Variants in CYP2C8 observed in about 807,000 individuals in gnomAD.
CYP2C8 encodes the protein cytochrome P450 family 2 subfamily C member 8.
CYP2C8 carries 51 observed loss-of-function variants against 41.3 expected under a neutral mutation model. The ratio of observed to expected loss-of-function variants is 1.24; its 90% CI spans 0.99 to 1.56. The LOEUF (loss-of-function observed/expected upper bound fraction) is 1.56, where lower values mean the gene tolerates loss of function less well. Among genes scored for constraint, CYP2C8 ranks in the 40% most tolerant of loss-of-function variants. The probability of loss-of-function intolerance (pLI) is 0.00; values close to 1 mark genes in which losing one functional copy is unlikely to be tolerated. For missense variants in CYP2C8, 651 were observed against 579.9 expected (o/e 1.12, Z -1.26); for synonymous variants, 218 against 205.8 (o/e 1.06, Z -0.51).
intron 8 of CYP2C8, among the ~76,000 whole-genome samples, 191 bp from the exon 9 acceptor site, chr10:95,037,500 G>T (rs1424480625): frequency 1.3e-5 from 2 of 152,114 alleles, no homozygotes; most frequent in African/African-American, 2.4e-5. Flanking sequence ...ACAAACAAAT[G>T]TACAAAAAGA....
intron 7 of CYP2C8, among the ~76,000 whole-genome samples, chr10:95,041,520 G>T (rs2032995110): frequency 6.6e-6 from 1 of 152,150 alleles, no homozygotes; most frequent in South Asian, 2.1e-4. Context: ...GGTGGCTCAC[G>T]CCTGTAGTCC....
At chr10:95,052,251 C>T (rs142648862) in intron 5 of CYP2C8, among the ~76,000 whole-genome samples, 127 of 151,958 alleles carry the variant, frequency 8.4e-4, no homozygotes, top group Non-Finnish European at 1.4e-3. Flanking sequence ...TGAAATTGAA[C>T]CATGAAGAAA....
chr10:95,065,037 G>C (rs2134438749), intron 3 of CYP2C8, 77 bp from the exon 4 acceptor site: 2 of 1,229,924 alleles, frequency 1.6e-6, no homozygotes, highest in Middle Eastern at 3.0e-4. Context: ...AGACATAAAG[G>C]AAATTTAGAA....
Position 95,046,009 on chromosome 10 carries a change from C to G in CYP2C8, c.820-58G>C, listed in dbSNP as rs1409254922. The G allele has an allele frequency of 3.8e-6, 6 of 1,587,638 alleles. No homozygotes were observed. In the African/African-American group the frequency reaches 6.7e-5, roughly 18 times the overall value. On this transcript the variant is annotated intron_variant, in intron 5 of 8. Transcript: ENST00000371270. ...TTATGTGCCAGTATATCTAAATACA[C>G]TAAATTTTAAAAAACATACTATTTT...
At chr10:95,040,652 C>T (rs1188680724) in intron 7 of CYP2C8, among the ~76,000 whole-genome samples, 3 of 152,132 alleles carry the variant, frequency 2.0e-5, no homozygotes, top group Non-Finnish European at 4.4e-5. Context: ...AAGCTCATAC[C>T]TACAGTCAAT....
chr10:95,066,119 TGAGAGAGAGAGAGA>T (rs144502351), intron 3 of CYP2C8, among the ~76,000 whole-genome samples: 26 of 97,776 alleles, frequency 2.7e-4, no homozygotes, highest in South Asian at 4.4e-4. Context: ...GAAGCCTTGG[TGAGAGAGAGAGAGA>T]GAGAGAGAGA....
chr10:95,048,666 G>A (rs753526387), intron 5 of CYP2C8, among the ~76,000 whole-genome samples: 1 of 152,134 alleles, frequency 6.6e-6, no homozygotes, highest in African/African-American at 2.4e-5. Flanking sequence ...TGTTGTAATA[G>A]GCTGTGCCTA....
intron 7 of CYP2C8, chr10:95,039,300 C>G (rs2032950805): frequency 2.2e-6 from 1 of 453,444 alleles, no homozygotes; most frequent in Non-Finnish European, 4.0e-6. Context: ...TTTGGATGCC[C>G]TTTTCTGGCC....
chr10:95,037,365 CAA>C, intron 8 of CYP2C8, 56 bp from the exon 9 acceptor site: 5 of 1,469,816 alleles, frequency 3.4e-6, no homozygotes, highest in African/African-American at 1.4e-5. Context: ...GTGACTGTGA[CAA>C]ACAGTCATTT....
intron 4 of CYP2C8, among the ~76,000 whole-genome samples, chr10:95,063,555 G>A (rs549698732): frequency 5.3e-5 from 8 of 152,086 alleles, no homozygotes; most frequent in Admixed American, 4.6e-4. Flanking sequence ...CTTTTTTTAA[G>A]GTTTTTAACT....
chr10:95,052,548 A>C (rs1193492588), intron 5 of CYP2C8, among the ~76,000 whole-genome samples: 1 of 152,138 alleles, frequency 6.6e-6, no homozygotes, highest in East Asian at 1.9e-4. Flanking sequence ...AATCCTCAAG[A>C]AAATAGCTGC....
intron 5 of CYP2C8, among the ~76,000 whole-genome samples, chr10:95,050,018 A>C (rs192812980): frequency 6.6e-6 from 1 of 152,024 alleles, no homozygotes; most frequent in East Asian, 1.9e-4. Flanking sequence ...ATCAGAGTGA[A>C]ATATAAAGTC....
At chr10:95,044,188 A>G (rs916217990) in intron 6 of CYP2C8, among the ~76,000 whole-genome samples, 2 of 152,172 alleles carry the variant, frequency 1.3e-5, no homozygotes, top group African/African-American at 2.4e-5. Context: ...AGTTTCAGAC[A>G]TGAGATGGAG....
chr10:95,046,070 T>G (rs2033103508), intron 5 of CYP2C8, 119 bp from the exon 6 acceptor site: 2 of 1,168,066 alleles, frequency 1.7e-6, no homozygotes, highest in Admixed American at 4.4e-5. Flanking sequence ...GACAGTACAG[T>G]ATTAGAAAAA....
chr10:95,066,163 T>A (rs1196880436), intron 3 of CYP2C8, among the ~76,000 whole-genome samples: 4,590 of 129,810 alleles, frequency 0.035, 167 homozygotes, highest in African/African-American at 0.1. Flanking sequence ...AGTGTGTGTG[T>A]GTGTGTGTGT....
At chr10:95,065,161 A>G (rs2033533427) in intron 3 of CYP2C8, among the ~76,000 whole-genome samples, 1 of 152,218 alleles carries the variant, frequency 6.6e-6, no homozygotes, top group Non-Finnish European at 1.5e-5. Context: ...CTAGCTAAAC[A>G]ATGTCATTTC....
At chr10:95,044,841 C>T (rs185866598) in intron 6 of CYP2C8, among the ~76,000 whole-genome samples, 104 of 152,304 alleles carry the variant, frequency 6.8e-4, no homozygotes, top group African/African-American at 2.2e-3. Context: ...AATACTGAAC[C>T]TTATGAGAAT....
chr10:95,067,635 C>G lies in CYP2C8; in HGVS notation c.225G>C (p.Val75=). 1.2e-6 allele frequency: 2 copies of G among 1,614,042 alleles called. No individual in the cohort carries two copies. Among genetic ancestry groups the G allele is most frequent in the African/African-American group, 1.3e-5 (1 of 75,026 alleles). The change falls in exon 2 of 9, where the codon GTG becomes GTC. Residue 75 remains valine (V), a synonymous_variant. Transcript: ENST00000371270. ...FTVYFGMNPI[V]VFHGYEAVKE... is the part of the protein sequence containing the mutation. ...TCACTGCCTCATATCCATGAAACAC[C>G]ACTATGGGATTCATGCCAAAATACA...
At chr10:95,047,159 G>C (rs2033125463) in intron 5 of CYP2C8, among the ~76,000 whole-genome samples, 2 of 152,164 alleles carry the variant, frequency 1.3e-5, no homozygotes, top group South Asian at 4.1e-4. Flanking sequence ...CTCTCCAAAA[G>C]CTGAGCAGAT....
Sources: gnomAD v4.1 joint callset for allele counts (sites outside exome capture counted in the v4.1 genomes callset) on GRCh38, gnomAD v4.1.1 for gene constraint, MANE v1.5 for transcripts, NCBI Gene and HGNC (gene_info 2026-07-23, HGNC 2026-07-21) for gene names.